ASXL3: variants seen among roughly 807,000 people sequenced by gnomAD.
The protein encoded by ASXL3 is ASXL transcriptional regulator 3, also known as putative Polycomb group protein ASXL3.
A neutral mutation model predicts 170.6 loss-of-function variants in ASXL3; 34 were observed. The observed-to-expected ratio is 0.20, with a 90% CI of 0.15 to 0.27. ASXL3 has a LOEUF of 0.27. Ranked by LOEUF, ASXL3 falls within the 10% of genes least tolerant of loss-of-function variation. The pLI, the probability that ASXL3 is intolerant of heterozygous loss-of-function variation, is 1.00. For missense variants in ASXL3, 2,592 were observed against 2,695.3 expected (o/e 0.96, Z 0.85); for synonymous variants, 1,002 against 989.1 (o/e 1.01, Z -0.24).
intron 10 of ASXL3, among the ~76,000 whole-genome samples, chr18:33,735,430 A>G (rs767107324): frequency 5.9e-5 from 9 of 152,188 alleles, no homozygotes; most frequent in Non-Finnish European, 1.2e-4. Flanking sequence ...GCCAGGATAT[A>G]TATATTTTTA....
In ASXL3 at chr18:33,626,393, C is replaced by T. The variant is rs564891095; in HGVS notation, c.138-18501C>T. The stretch of plus-strand genomic sequence containing the variant: ...TTGATCAGGAGGGAGTCAGATAATG[C>T]TGTCAAGGTGATGGTAGTTAGACTT... On this transcript the variant is annotated intron_variant, in intron 2 of 11. Transcript: ENST00000269197. Among the ~76,000 whole-genome samples, 7 of 152,192 alleles carry T rather than the reference C, an allele frequency of 4.6e-5. No individual in the cohort carries two copies. In the South Asian group the frequency reaches 1.5e-3, roughly 32 times the overall value.
chr18:33,717,253 G>T (rs2067179495), intron 8 of ASXL3, among the ~76,000 whole-genome samples: 1 of 152,120 alleles, frequency 6.6e-6, no homozygotes, highest in Non-Finnish European at 1.5e-5. Flanking sequence ...CTCTGCAGTT[G>T]TGATACCTAG....
In ASXL3 at chr18:33,579,212, C is replaced by T. The variant is rs532355693; in HGVS notation, c.54+527C>T. The T allele has an allele frequency of 2.0e-5, 3 of 152,586 alleles. No individual in the cohort carries two copies. The South Asian group carries it at 6.2e-4, about 32-fold the overall frequency. 9.5% of individuals were successfully genotyped at this position (152,586 alleles called of 1,614,324 possible). On this transcript the variant is annotated intron_variant, in intron 1 of 11. Coordinates refer to ENST00000269197, the MANE Select transcript of ASXL3 (RefSeq NM_030632.3). ...GCATGTGGGCTAGGTGGTTGCGTGT[C>T]TGTGTGCCATGTCGTGTGCATTATG...
chr18:33,734,887 C>A (rs1283538664), intron 10 of ASXL3, among the ~76,000 whole-genome samples: 1 of 152,120 alleles, frequency 6.6e-6, no homozygotes, highest in Non-Finnish European at 1.5e-5. Context: ...TCTTCCTCTT[C>A]AAATGTCATC....
intron 1 of ASXL3, among the ~76,000 whole-genome samples, chr18:33,580,431 AC>A (rs2064982344): frequency 6.6e-6 from 1 of 152,204 alleles, no homozygotes; most frequent in African/African-American, 2.4e-5. Context: ...GCAATCAAGT[AC>A]TATTAGAGAG....
Position 33,745,570 on chromosome 18 carries a change from C to A in ASXL3, c.5722C>A (p.Gln1908Lys). The change falls in exon 12 of 12, where the codon CAG becomes AAG. Residue 1908 changes from glutamine to lysine, a missense_variant. Transcript: ENST00000269197. ...GCTGCTCCCCTCGTGTAGCTTCCAG[C>A]AGAACCTATTTCATGTTGACAAGAA... ...KRLLPSCSFQ[Q>K]NLFHVDKNGG... The A allele has an allele frequency of 6.2e-7, 1 of 1,613,996 alleles. No individual in the cohort carries two copies. The highest frequency in any genetic ancestry group is 8.5e-7 in the Non-Finnish European group (1 of 1,179,896).
intron 7 of ASXL3, 87 bp from the exon 8 acceptor site, chr18:33,683,318 A>T: frequency 8.7e-7 from 1 of 1,147,814 alleles, no homozygotes; most frequent in Non-Finnish European, 1.2e-6. Context: ...CATGTTCACT[A>T]GATATATGTG....
chr18:33,679,760 A>G (rs888072455), intron 7 of ASXL3, among the ~76,000 whole-genome samples: 21 of 152,072 alleles, frequency 1.4e-4, no homozygotes, highest in African/African-American at 5.1e-4. Context: ...AAAGCTTAAA[A>G]TATTTGTATT....
intron 9 of ASXL3, among the ~76,000 whole-genome samples, 198 bp downstream of exon 9, chr18:33,732,262 A>G (rs535736347): frequency 5.3e-4 from 80 of 152,322 alleles, no homozygotes; most frequent in Admixed American, 5.2e-4. Context: ...TTTTGAAGAA[A>G]GCATAATTTT....
In ASXL3 at chr18:33,743,422, C is replaced by G. The variant is rs1438569915; in HGVS notation, c.3574C>G (p.Pro1192Ala). 1 of 1,613,292 alleles carries G rather than the reference C, an allele frequency of 6.2e-7. No individual in the cohort carries two copies. The highest frequency in any genetic ancestry group is 1.1e-5 in the South Asian group (1 of 91,086). ...GCAGTCTCTTAACCCAAGTAAACTTCCAGAAACTGCCACTGACTTATCTGT... is the reference window on the plus strand; with the variant it reads ...GCAGTCTCTTAACCCAAGTAAACTTGCAGAAACTGCCACTGACTTATCTGT... Reference protein sequence around the residue: ...LQQSLNPSKLPETATDLSVHS... With the variant: ...LQQSLNPSKLAETATDLSVHS... Residue 1192 changes from proline (P) to alanine (A), a missense_variant, in exon 12 of 12, where the codon CCA (proline) becomes GCA (alanine). Physicochemically the swap from Pro to Ala is conservative, Grantham distance 27. Transcript: ENST00000269197.
intron 1 of ASXL3, among the ~76,000 whole-genome samples, chr18:33,583,277 C>T (rs2065008349): frequency 6.6e-6 from 1 of 152,220 alleles, no homozygotes; most frequent in Middle Eastern, 3.4e-3. Flanking sequence ...AGAATTTTGA[C>T]GTGTGATTTG....
chr18:33,605,162 G>A (rs1223953187), intron 1 of ASXL3, among the ~76,000 whole-genome samples: 2 of 151,882 alleles, frequency 1.3e-5, no homozygotes, highest in Non-Finnish European at 2.9e-5. Flanking sequence ...GATTGTTGGG[G>A]CAATGGACAG....
rs1407573602 is a variant in ASXL3 at position 33,750,304 on chromosome 18, T to A, written c.*3709T>A. The A allele has an allele frequency of 6.6e-6, 1 of 152,234 alleles. No individual in the cohort carries two copies. The highest frequency in any genetic ancestry group is 1.5e-5 in the Non-Finnish European group (1 of 68,030). The allele number at this position is 152,234 out of a possible 1,614,324, so 9.4% of individuals were successfully genotyped here. ...GTCACTGTAAAAAGAACAAAAAGCA[T>A]TTTTACTATAATTTAAAGGAGCTGC... On this transcript the variant is annotated 3_prime_UTR_variant, in exon 12 of 12. Coordinates refer to ENST00000269197, the MANE Select transcript of ASXL3 (RefSeq NM_030632.3).
At chr18:33,661,997 G>T (rs1345658868) in intron 5 of ASXL3, among the ~76,000 whole-genome samples, 2 of 152,080 alleles carry the variant, frequency 1.3e-5, no homozygotes, top group Non-Finnish European at 2.9e-5. Context: ...TTAACATTTT[G>T]TGTGTCTATT....
chr18:33,632,535 T>A (rs1418679708), intron 2 of ASXL3, among the ~76,000 whole-genome samples: 1 of 152,202 alleles, frequency 6.6e-6, no homozygotes, highest in Non-Finnish European at 1.5e-5. Context: ...TCTTCTGTAT[T>A]GTCCATCTTA....
rs1238974201 is a variant in ASXL3 at position 33,739,072 on chromosome 18, A to G, written c.1668A>G (p.Thr556=). 3 of 1,613,130 alleles carry G rather than the reference A, an allele frequency of 1.9e-6. No individual in the cohort carries two copies. Among genetic ancestry groups the G allele is most frequent in the Admixed American group, 3.3e-5 (2 of 59,858 alleles). The change falls in exon 11 of 12, where the codon ACA becomes ACG. Residue 556 remains threonine (T), a synonymous_variant. Transcript: ENST00000269197. ...STSSMTHVSD[T]EHKESETAVE... is the part of the protein sequence containing the mutation. ...CATCTATGACTCATGTCAGTGACAC[A>G]GAACATAAGGAGTCAGAAACTGCAG...
chr18:33,580,910 T>C (rs2064985985), intron 1 of ASXL3, among the ~76,000 whole-genome samples: 1 of 152,192 alleles, frequency 6.6e-6, no homozygotes, highest in Non-Finnish European at 1.5e-5. Context: ...TAAAATCAAA[T>C]ACTGAATAAA....
chr18:33,732,066 TA>T lies in ASXL3; in HGVS notation c.976+5del. The T allele has an allele frequency of 6.2e-7, 1 of 1,608,962 alleles. No individual in the cohort carries two copies. The highest frequency in any genetic ancestry group is 8.5e-7 in the Non-Finnish European group (1 of 1,176,450). The stretch of plus-strand genomic sequence containing the variant: ...GGTGGAAACAGCGACTGGCAGAAGG[TA>T]AATTTGTATTTTCTATTATTATGTG... On this transcript the variant is annotated splice_donor_region_variant and intron_variant, in intron 9 of 11. Coordinates refer to ENST00000269197, the MANE Select transcript of ASXL3 (RefSeq NM_030632.3).
chr18:33,744,465 C>A lies in ASXL3; in HGVS notation c.4617C>A (p.Phe1539Leu). The A allele has an allele frequency of 6.2e-7, 1 of 1,613,438 alleles. No individual in the cohort carries two copies. The highest frequency in any genetic ancestry group is 8.5e-7 in the Non-Finnish European group (1 of 1,179,770). The change falls in exon 12 of 12, where the codon TTC (phenylalanine) becomes TTA (leucine). Residue 1539 changes from phenylalanine to leucine, a missense_variant. Phe to Leu is a conservative substitution (Grantham distance 22, BLOSUM62 0). Around this residue, in one of 4 missense-constraint regions of ASXL3, gnomAD observed 2,246 missense variants for 2,219.6 expected, o/e 1.01. Coordinates refer to ENST00000269197, the MANE Select transcript of ASXL3 (RefSeq NM_030632.3). ...ANEGIDHSSTFIAASAAKQDS... is the reference protein window; with the variant it reads ...ANEGIDHSSTLIAASAAKQDS... ...AAGGTATAGATCACAGTTCCACTTT[C>A]ATTGCTGCTTCGGCAGCAAAACAAG... is the stretch of plus-strand genomic sequence containing the variant.
Sources: allele counts gnomAD v4.1 joint callset (sites outside exome capture counted in the v4.1 genomes callset), GRCh38; gene constraint gnomAD v4.1.1; regional missense constraint gnomAD v4.1.1; transcripts MANE v1.5; gene names NCBI Gene and HGNC (gene_info 2026-07-23, HGNC 2026-07-21).